KSR2: variants seen among roughly 807,000 people sequenced by gnomAD.
The protein encoded by KSR2 is kinase suppressor of ras 2.
Under a neutral mutation model 107.8 loss-of-function variants are expected in KSR2, and 25 were observed. The ratio of observed to expected loss-of-function variants is 0.23; its 90% CI spans 0.17 to 0.32. KSR2 has a LOEUF of 0.32. KSR2 is among the 10% of genes least tolerant of loss of function. The probability of loss-of-function intolerance (pLI) is 1.00; values close to 1 mark genes in which losing one functional copy is unlikely to be tolerated. For missense variants in KSR2, 887 were observed against 1,268.9 expected, an observed-to-expected ratio of 0.70 and a Z score of 4.57; for synonymous variants, 480 against 507.0, an observed-to-expected ratio of 0.95 and a Z score of 0.71.
At chr12:117,849,702 AAG>A (rs950279413) in intron 3 of KSR2, among the ~76,000 whole-genome samples, 3 of 152,184 alleles carry the variant, frequency 2.0e-5, no homozygotes, top group Non-Finnish European at 2.9e-5. Context: ...CTGAGAAAGA[AAG>A]AGAGAGAGAC....
At chr12:117,950,749 A>ATAAAAT (rs60499991) in intron 1 of KSR2, among the ~76,000 whole-genome samples, 5 of 132,166 alleles carry the variant, frequency 3.8e-5, no homozygotes, top group African/African-American at 1.2e-4. Flanking sequence ...AAAAAAAAAA[A>ATAAAAT]AATAATAATA....
chr12:117,597,541 T>C (rs1880718110), intron 5 of KSR2, among the ~76,000 whole-genome samples: 1 of 151,982 alleles, frequency 6.6e-6, no homozygotes, highest in African/African-American at 2.4e-5. Flanking sequence ...CTCTGGAAGA[T>C]GGGAAAGATG....
At chr12:117,573,981 C>G (rs1392387287) in intron 7 of KSR2, among the ~76,000 whole-genome samples, 2 of 152,200 alleles carry the variant, frequency 1.3e-5, no homozygotes, top group South Asian at 2.1e-4. Flanking sequence ...AAGACTTACA[C>G]AAACATCTCA....
At chr12:117,615,497 T>C (rs1411162021) in intron 5 of KSR2, among the ~76,000 whole-genome samples, 2 of 152,168 alleles carry the variant, frequency 1.3e-5, no homozygotes, top group African/African-American at 4.8e-5. Flanking sequence ...GTCCACCTAG[T>C]GACAAAGATG....
chr12:117,866,397 A>G (rs1893472213), intron 1 of KSR2, among the ~76,000 whole-genome samples: 1 of 152,196 alleles, frequency 6.6e-6, no homozygotes, highest in African/African-American at 2.4e-5. Flanking sequence ...GCAGATAACA[A>G]TATGCAACAC....
At chr12:117,500,423 T>A (rs1873310356) in intron 14 of KSR2, among the ~76,000 whole-genome samples, 1 of 152,172 alleles carries the variant, frequency 6.6e-6, no homozygotes, top group Non-Finnish European at 1.5e-5. Flanking sequence ...ATAAATCATA[T>A]CCATAGATTG....
At chr12:117,732,181 G>A (rs901165985) in intron 4 of KSR2, among the ~76,000 whole-genome samples, 3 of 152,104 alleles carry the variant, frequency 2.0e-5, no homozygotes, top group Non-Finnish European at 4.4e-5. Flanking sequence ...CTAAAATTGT[G>A]CCTAATTCAG....
intron 4 of KSR2, among the ~76,000 whole-genome samples, chr12:117,757,241 T>A (rs943498012): frequency 1.3e-5 from 2 of 152,036 alleles, no homozygotes; most frequent in Non-Finnish European, 2.9e-5. Context: ...GCAGATGCGG[T>A]GGAAACAGCA....
At chr12:117,730,478 CTCG>C (rs1456332076) in intron 4 of KSR2, among the ~76,000 whole-genome samples, 12 of 149,382 alleles carry the variant, frequency 8.0e-5, no homozygotes, top group African/African-American at 2.2e-4. Context: ...TCCCCTCTCC[CTCG>C]TCTCCCCTCT....
chr12:117,634,042 G>A (rs190160893), intron 5 of KSR2, among the ~76,000 whole-genome samples: 5 of 152,236 alleles, frequency 3.3e-5, no homozygotes, highest in Non-Finnish European at 7.4e-5. Context: ...CCATAAAGGC[G>A]GACGCTGTGT....
At chr12:117,658,287 T>A (rs916443540) in intron 5 of KSR2, among the ~76,000 whole-genome samples, 40 of 152,190 alleles carry the variant, frequency 2.6e-4, no homozygotes, top group African/African-American at 8.9e-4. Flanking sequence ...GAAGATTACA[T>A]CAATGGATTG....
At chr12:117,741,601 G>A (rs1888224353) in intron 4 of KSR2, among the ~76,000 whole-genome samples, 1 of 152,016 alleles carries the variant, frequency 6.6e-6, no homozygotes, top group South Asian at 2.1e-4. Flanking sequence ...CCAGAAGTGG[G>A]GATTACAGTG....
At chr12:117,933,280 A>G (rs1407633529) in intron 1 of KSR2, among the ~76,000 whole-genome samples, 1 of 152,204 alleles carries the variant, frequency 6.6e-6, no homozygotes, top group Non-Finnish European at 1.5e-5. Context: ...GTATTCAAGC[A>G]TACTTATACT....
chr12:117,677,958 A>G (rs1344572284), intron 4 of KSR2, among the ~76,000 whole-genome samples: 6 of 152,108 alleles, frequency 3.9e-5, no homozygotes, highest in African/African-American at 1.4e-4. Context: ...TTTTTGAGAC[A>G]GAGTCTCGCT....
intron 5 of KSR2, among the ~76,000 whole-genome samples, chr12:117,586,720 C>T (rs1457329507): frequency 6.6e-6 from 1 of 152,090 alleles, no homozygotes; most frequent in Non-Finnish European, 1.5e-5. Context: ...GTCAAACAGA[C>T]AGACCCTTGA....
At position 117,682,414 on chromosome 12, in the gene KSR2, G is replaced by GT. The variant is rs1366340457; in HGVS notation, c.987-14757dup. 9.4e-4 allele frequency among the ~76,000 whole-genome samples: 143 copies of GT among 151,576 alleles called. 1 individual carries two copies. Among genetic ancestry groups the GT allele is most frequent in the African/African-American group, 3.1e-3 (130 of 41,310 alleles). On this transcript the variant is annotated intron_variant, in intron 4 of 19. Transcript: ENST00000339824. ...CTGCATGTCCTGCACATGTACTTCAGTTTTTTTTGTTTTTTTTTTTGAGAC... is the reference window on the plus strand; with the variant it reads ...CTGCATGTCCTGCACATGTACTTCAGTTTTTTTTTGTTTTTTTTTTTGAGAC...
chr12:117,568,296 A>G (rs116714760), intron 7 of KSR2, among the ~76,000 whole-genome samples: 4 of 152,190 alleles, frequency 2.6e-5, no homozygotes, highest in African/African-American at 9.7e-5. Flanking sequence ...TCATCTTTCA[A>G]TTCAAGAAAG....
intron 4 of KSR2, among the ~76,000 whole-genome samples, chr12:117,754,996 G>A (rs916803418): frequency 1.3e-5 from 2 of 152,188 alleles, no homozygotes; most frequent in African/African-American, 4.8e-5. Context: ...GTTAGCCACA[G>A]AGATGGTTCC....
Position 117,647,741 on chromosome 12 carries a change from G to A in KSR2, c.1171+19733C>T, listed in dbSNP as rs1368377918. Among the ~76,000 whole-genome samples the A allele has an allele frequency of 3.3e-5, 5 of 152,068 alleles. No individual in the cohort carries two copies. In the East Asian group the frequency reaches 9.6e-4, roughly 29 times the overall value. ...CCATCCGTTTTTGTTCTAATTTTTA[G>A]TGACAGAGTCTCACTCTGTCGCCCA... On this transcript the variant is annotated intron_variant, in intron 5 of 19. Transcript: ENST00000339824.
Sources: gnomAD v4.1 joint callset for allele counts (sites outside exome capture counted in the v4.1 genomes callset) on GRCh38, gnomAD v4.1.1 for gene constraint, MANE v1.5 for transcripts, NCBI Gene and HGNC (gene_info 2026-07-23, HGNC 2026-07-21) for gene names.